ENPP2: variants seen among roughly 807,000 people sequenced by gnomAD.
ENPP2 encodes ectonucleotide pyrophosphatase/phosphodiesterase 2.
In ENPP2, 51 loss-of-function variants were observed where a neutral mutation model predicts 120.2. The ratio of observed to expected loss-of-function variants is 0.42; its 90% CI spans 0.34 to 0.54. ENPP2 has a LOEUF of 0.54. Among genes scored for constraint, ENPP2 ranks in the 20% least tolerant of loss-of-function variants. The pLI is 0.04. For missense variants in ENPP2, 920 were observed against 1,066.5 expected (o/e 0.86, Z 1.91); for synonymous variants, 365 against 366.4 (o/e 1.00, Z 0.04).
intron 6 of ENPP2, 46 bp downstream of exon 6, chr8:119,617,420 A>T (rs762852776): frequency 2.7e-5 from 36 of 1,354,132 alleles, no homozygotes; most frequent in Non-Finnish European, 3.8e-5. Context: ...GTTAGTGTGG[A>T]GATCCTAGAT....
Position 119,621,419 on chromosome 8 carries a change from A to G in ENPP2, c.393T>C (p.Cys131=), listed in dbSNP as rs1346449892. Residue 131 remains cysteine (C), a synonymous_variant, in exon 4 of 25, where the codon TGT becomes TGC. Transcript: ENST00000075322. The stretch of plus-strand genomic sequence containing the variant: ...CTTTGCAAACCACTTGGTAATTGGT[A>G]CAGCAGTCTCCCCTGGCCAAGCAGT... The part of the protein sequence containing the change: ...SEDCLARGDC[C]TNYQVVCKGE... The G allele has an allele frequency of 6.2e-7, 1 of 1,613,376 alleles. No individual in the cohort carries two copies. The highest frequency in any genetic ancestry group is 1.3e-5 in the African/African-American group (1 of 74,884).
intron 1 of ENPP2, among the ~76,000 whole-genome samples, chr8:119,657,185 A>G (rs965221248): frequency 1.3e-5 from 2 of 152,152 alleles, no homozygotes; most frequent in Non-Finnish European, 2.9e-5. Flanking sequence ...TCGGCCTCCC[A>G]AAGTGCTGGG....
At chr8:119,574,939 A>G (rs1812228042) in intron 19 of ENPP2, among the ~76,000 whole-genome samples, 1 of 152,210 alleles carries the variant, frequency 6.6e-6, no homozygotes, top group Admixed American at 6.5e-5. Flanking sequence ...ATTATGCTGT[A>G]ATGTATCAAC....
intron 19 of ENPP2, among the ~76,000 whole-genome samples, chr8:119,575,502 A>G (rs1812271966): frequency 6.6e-6 from 1 of 152,158 alleles, no homozygotes; most frequent in African/African-American, 2.4e-5. Context: ...TTAGGCCACA[A>G]AATGTATATG....
At chr8:119,575,125 C>T (rs1812241722) in intron 19 of ENPP2, among the ~76,000 whole-genome samples, 1 of 152,086 alleles carries the variant, frequency 6.6e-6, no homozygotes, top group Admixed American at 6.6e-5. Context: ...TACATATGAC[C>T]TGTCTAATGT....
upstream of ENPP2, among the ~76,000 whole-genome samples, chr8:119,642,638 T>C (rs1003047086): frequency 2.6e-5 from 4 of 152,180 alleles, no homozygotes; most frequent in Non-Finnish European, 5.9e-5. Context: ...GACATTAAAG[T>C]TTAGATCTCT....
At chr8:119,580,787 TAGC>T (rs760253343) in intron 18 of ENPP2, 5 of 152,422 alleles carry the variant, frequency 3.3e-5, no homozygotes, top group Non-Finnish European at 5.9e-5. Flanking sequence ...ACTACTGTAT[TAGC>T]AGTAAAAATA....
chr8:119,574,252 C>T (rs1812179887), intron 19 of ENPP2, among the ~76,000 whole-genome samples: 1 of 152,062 alleles, frequency 6.6e-6, no homozygotes, highest in Admixed American at 6.6e-5. Context: ...AGCAAAAAGT[C>T]TCTCTACTCA....
intron 1 of ENPP2, among the ~76,000 whole-genome samples, chr8:119,667,656 G>T (rs1399991487): frequency 1.3e-5 from 2 of 152,058 alleles, no homozygotes; most frequent in Admixed American, 1.3e-4. Flanking sequence ...TTGGTTTAGG[G>T]CCACCATCTT....
chr8:119,570,278 G>GAAAAA (rs575977847), intron 20 of ENPP2, among the ~76,000 whole-genome samples: 1 of 76,850 alleles, frequency 1.3e-5, no homozygotes, highest in Non-Finnish European at 2.6e-5. Context: ...CAAAACATTA[G>GAAAAA]AAAAAAAAAA....
intron 13 of ENPP2, among the ~76,000 whole-genome samples, chr8:119,587,820 T>G (rs1170041920): frequency 1.3e-5 from 2 of 152,158 alleles, no homozygotes; most frequent in African/African-American, 4.8e-5. Context: ...TTTGTTTTGT[T>G]TTCAGGAAGT....
At chr8:119,594,772 G>C (rs755990676) in intron 11 of ENPP2, among the ~76,000 whole-genome samples, 16 of 152,138 alleles carry the variant, frequency 1.1e-4, no homozygotes, top group African/African-American at 1.7e-4. Context: ...GAATTTTATA[G>C]CTTAGCTAAC....
chr8:119,584,042 A>G lies in ENPP2; in HGVS notation c.1375T>C (p.Leu459=). The change falls in exon 16 of 25, where the codon TTG becomes CTG. Residue 459 remains leucine, a synonymous_variant. Coordinates refer to ENST00000075322, the MANE Select transcript of ENPP2 (RefSeq NM_001040092.3). ...ERRWHVARKP[L]DVYKKPSGKC... ...CCTGATGGTTTCTTATAAACATCCA[A>G]AGGTTTCCTAAATTGAAACAATTTC... 2 of 1,604,354 alleles carry G rather than the reference A, an allele frequency of 1.2e-6. No individual in the cohort carries two copies. Among genetic ancestry groups the G allele is most frequent in the South Asian group, 1.1e-5 (1 of 90,634 alleles).
At chr8:119,565,115 A>G (rs1015882971) in intron 22 of ENPP2, among the ~76,000 whole-genome samples, 160 bp from the exon 23 acceptor site, 3 of 152,116 alleles carry the variant, frequency 2.0e-5, no homozygotes, top group Non-Finnish European at 4.4e-5. Flanking sequence ...TGGCATTACC[A>G]GTGTGTGTGT....
chr8:119,584,906 A>G (rs1812999212), intron 15 of ENPP2, among the ~76,000 whole-genome samples: 2 of 152,244 alleles, frequency 1.3e-5, no homozygotes, highest in Admixed American at 6.5e-5. Context: ...CCACCCTTGG[A>G]AAAATAAGGG....
At chr8:119,592,482 A>T (rs1451414183) in intron 12 of ENPP2, among the ~76,000 whole-genome samples, 1 of 150,918 alleles carries the variant, frequency 6.6e-6, no homozygotes, top group Non-Finnish European at 1.5e-5. Flanking sequence ...TCAAAAAAAA[A>T]AAAAAAAAAA....
chr8:119,670,186 G>A (rs1818199643), intron 1 of ENPP2, among the ~76,000 whole-genome samples: 1 of 152,226 alleles, frequency 6.6e-6, no homozygotes, highest in Admixed American at 6.5e-5. Flanking sequence ...GATAGGTGCA[G>A]TAGCAATAGG....
At position 119,638,733 on chromosome 8, in the gene ENPP2, C is replaced by T. The variant is rs1188214816; in HGVS notation, c.33+15G>A. 2 of 1,464,916 alleles carry T rather than the reference C, an allele frequency of 1.4e-6. No individual in the cohort carries two copies. Among genetic ancestry groups the T allele is most frequent in the Non-Finnish European group, 1.9e-6 (2 of 1,043,680 alleles). The allele number at this position is 1,464,916 out of a possible 1,614,324, so 90.7% of individuals were successfully genotyped here. Reference sequence around the variant, plus strand: ...AAGATCAAGCATGTCCCCCGTCATTCCTCCGTTCTCCCACCTGACACGACT... The same window carrying T: ...AAGATCAAGCATGTCCCCCGTCATTTCTCCGTTCTCCCACCTGACACGACT... On this transcript the variant is annotated intron_variant, in intron 1 of 24. Coordinates refer to ENST00000075322, the MANE Select transcript of ENPP2 (RefSeq NM_001040092.3).
chr8:119,665,537 T>C (rs914131463), intron 1 of ENPP2, among the ~76,000 whole-genome samples: 1 of 152,368 alleles, frequency 6.6e-6, no homozygotes. Context: ...ATGTCTCACA[T>C]TGATACAAAG....
Sources: gnomAD v4.1 joint callset for allele counts (sites outside exome capture counted in the v4.1 genomes callset) on GRCh38, gnomAD v4.1.1 for gene constraint, MANE v1.5 for transcripts, NCBI Gene and HGNC (gene_info 2026-07-23, HGNC 2026-07-21) for gene names.